PATJ: variants seen among roughly 807,000 people sequenced by gnomAD.
PATJ encodes PATJ crumbs cell polarity complex component.
A neutral mutation model predicts 224.9 loss-of-function variants in PATJ; 190 were observed. The ratio of observed to expected loss-of-function variants is 0.84; its 90% CI spans 0.75 to 0.95. PATJ has a LOEUF of 0.95. PATJ is among the 40% of genes least tolerant of loss of function. The probability of loss-of-function intolerance (pLI) is 0.00; values close to 1 mark genes in which losing one functional copy is unlikely to be tolerated. For missense variants in PATJ, 2,121 were observed against 2,270.3 expected (o/e 0.93, Z 1.34); for synonymous variants, 769 against 820.3 (o/e 0.94, Z 1.07).
At chr1:61,779,255 C>G (rs1474027144) in intron 7 of PATJ, among the ~76,000 whole-genome samples, 1 of 152,058 alleles carries the variant, frequency 6.6e-6, no homozygotes, top group East Asian at 1.9e-4. Context: ...GCTGGCAAGT[C>G]CAAAATACGT....
chr1:62,071,182 G>A (rs1657328315), intron 31 of PATJ, among the ~76,000 whole-genome samples: 1 of 152,174 alleles, frequency 6.6e-6, no homozygotes, highest in African/African-American at 2.4e-5. Context: ...GGAGAAAAGT[G>A]TCCTTTCTAG....
At chr1:61,917,398 G>T (rs1463971709) in intron 26 of PATJ, among the ~76,000 whole-genome samples, 1 of 152,142 alleles carries the variant, frequency 6.6e-6, no homozygotes, top group East Asian at 1.9e-4. Flanking sequence ...ACTTTGCTAA[G>T]AATTTTTACC....
chr1:62,021,846 A>C (rs1164458121), intron 29 of PATJ, among the ~76,000 whole-genome samples: 1 of 152,234 alleles, frequency 6.6e-6, no homozygotes, highest in African/African-American at 2.4e-5. Flanking sequence ...TCAGTACCAC[A>C]GATGCGACTT....
At chr1:62,069,090 C>A (rs543322301) in intron 31 of PATJ, among the ~76,000 whole-genome samples, 1 of 152,098 alleles carries the variant, frequency 6.6e-6, no homozygotes, top group East Asian at 1.9e-4. Context: ...TTTTTCCCAA[C>A]CCAAGTTTAA....
chr1:61,943,021 C>T (rs1048265723), intron 27 of PATJ, among the ~76,000 whole-genome samples: 62 of 152,178 alleles, frequency 4.1e-4, no homozygotes, highest in Admixed American at 3.7e-3. Context: ...AAATGTCCAT[C>T]AACTGGTGAC....
chr1:61,849,280 C>A (rs1292418724), intron 17 of PATJ, among the ~76,000 whole-genome samples: 1 of 152,134 alleles, frequency 6.6e-6, no homozygotes, highest in East Asian at 1.9e-4. Context: ...CAGCCTAGAA[C>A]TTTAATAACA....
chr1:61,908,085 G>A (rs1432892103), intron 24 of PATJ, among the ~76,000 whole-genome samples: 1 of 152,126 alleles, frequency 6.6e-6, no homozygotes, highest in Non-Finnish European at 1.5e-5. Flanking sequence ...ACATCTTAAG[G>A]TTCTGTTACT....
At chr1:61,896,043 T>C (rs1670321034) in intron 22 of PATJ, among the ~76,000 whole-genome samples, 1 of 152,152 alleles carries the variant, frequency 6.6e-6, no homozygotes, top group African/African-American at 2.4e-5. Flanking sequence ...ACGCCTATAA[T>C]CCCAGCACTT....
intron 3 of PATJ, 36 bp downstream of exon 3, chr1:61,763,215 A>G: frequency 1.7e-6 from 2 of 1,198,892 alleles, no homozygotes; most frequent in Non-Finnish European, 1.1e-6. Flanking sequence ...TTAATATATT[A>G]TATTAATATA....
intron 20 of PATJ, among the ~76,000 whole-genome samples, chr1:61,868,934 A>G (rs1007201101): frequency 6.6e-6 from 1 of 152,168 alleles, no homozygotes; most frequent in African/African-American, 2.4e-5. Flanking sequence ...ATTTATACAC[A>G]CATGAACGCA....
At chr1:61,932,259 A>G (rs1200795673) in intron 27 of PATJ, among the ~76,000 whole-genome samples, 1 of 151,990 alleles carries the variant, frequency 6.6e-6, no homozygotes, top group Non-Finnish European at 1.5e-5. Flanking sequence ...TTTCCAGGTG[A>G]TGCTGGTATT....
At chr1:61,882,563 C>T (rs988696219) in intron 21 of PATJ, among the ~76,000 whole-genome samples, 1 of 152,138 alleles carries the variant, frequency 6.6e-6, no homozygotes, top group Non-Finnish European at 1.5e-5. Flanking sequence ...TCTCCCTCAA[C>T]CCCAAATCTT....
chr1:61,943,015 G>A (rs1351373399), intron 27 of PATJ, among the ~76,000 whole-genome samples: 1 of 152,160 alleles, frequency 6.6e-6, no homozygotes, highest in Non-Finnish European at 1.5e-5. Flanking sequence ...CAAGCCAAAT[G>A]TCCATCAACT....
At chr1:62,090,356 A>T (rs114481425) in intron 33 of PATJ, among the ~76,000 whole-genome samples, 262 of 152,284 alleles carry the variant, frequency 1.7e-3, no homozygotes, top group African/African-American at 5.9e-3. Context: ...TGCTAAGGAT[A>T]CAAGATTGAG....
At chr1:62,084,098 A>T (rs1659631999) in intron 32 of PATJ, among the ~76,000 whole-genome samples, 1 of 152,090 alleles carries the variant, frequency 6.6e-6, no homozygotes, top group South Asian at 2.1e-4. Flanking sequence ...TACTAAAAAT[A>T]AAAAAATTAG....
chr1:62,032,520 G>A (rs1480979565), intron 29 of PATJ, among the ~76,000 whole-genome samples: 1 of 152,112 alleles, frequency 6.6e-6, no homozygotes, highest in Non-Finnish European at 1.5e-5. Context: ...AAATTTGTCT[G>A]TAAACTGGGG....
chr1:61,801,794 G>C (rs373846908), intron 12 of PATJ, 25 bp downstream of exon 12: 2 of 1,469,092 alleles, frequency 1.4e-6, no homozygotes, highest in East Asian at 2.3e-5. Context: ...TTCACTTTGC[G>C]ATAACAGACT....
chr1:61,986,567 G>A (rs758304779), intron 27 of PATJ, among the ~76,000 whole-genome samples: 3 of 152,000 alleles, frequency 2.0e-5, no homozygotes, highest in South Asian at 2.1e-4. Context: ...TTATAGGCGC[G>A]TGCCGCTATG....
chr1:62,145,728 G>T (rs1194750470), intron 41 of PATJ, among the ~76,000 whole-genome samples: 1 of 151,978 alleles, frequency 6.6e-6, no homozygotes, highest in Non-Finnish European at 1.5e-5. Flanking sequence ...GGCCAAGGCG[G>T]GCAGATCACT....
Sources: allele counts gnomAD v4.1 joint callset (sites outside exome capture counted in the v4.1 genomes callset), GRCh38; gene constraint gnomAD v4.1.1; transcripts MANE v1.5; gene names NCBI Gene and HGNC (gene_info 2026-07-23, HGNC 2026-07-21).